LRRK1: variants seen among roughly 807,000 people sequenced by gnomAD.
LRRK1 encodes the protein leucine-rich repeat serine/threonine-protein kinase 1.
A neutral mutation model predicts 209.1 loss-of-function variants in LRRK1; 113 were observed. The ratio of observed to expected loss-of-function variants is 0.54; its 90% CI spans 0.46 to 0.63. The LOEUF (loss-of-function observed/expected upper bound fraction) is 0.63. LRRK1 is among the 30% of genes least tolerant of loss of function. LRRK1 has a pLI of 0.00. For missense variants in LRRK1, 2,284 were observed against 2,632.2 expected (o/e 0.87, Z 2.89); for synonymous variants, 1,144 against 1,099.7 (o/e 1.04, Z -0.80).
chr15:101,063,439 C>T (rs754663224), intron 31 of LRRK1, among the ~76,000 whole-genome samples: 1 of 152,206 alleles, frequency 6.6e-6, no homozygotes, highest in Admixed American at 6.5e-5. Flanking sequence ...TCTCAAGACC[C>T]GGGGCCTTGT....
chr15:100,962,823 A>ATATATACATATATATATATATATATATT lies in LRRK1; in HGVS notation c.98-10980_98-10979insATATACATATATATATATATATATATTT. Among the ~76,000 whole-genome samples the ATATATACATATATATATATATATATATT allele has an allele frequency of 1.7e-4, 2 of 11,544 alleles. 1 individual carries two copies. The highest frequency in any genetic ancestry group is 5.1e-4 in the African/African-American group (2 of 3,958). 7.6% of individuals were successfully genotyped at this position (11,544 alleles called of 152,430 possible). On this transcript the variant is annotated intron_variant, in intron 2 of 33. Coordinates refer to ENST00000388948, the MANE Select transcript of LRRK1 (RefSeq NM_024652.6). ...TATATATATATATATATATATATAT[A>ATATATACATATATATATATATATATATT]TTTTTTTTTTTTTTTTTGAGATGGA...
chr15:101,052,836 C>A, intron 24 of LRRK1, 86 bp from the exon 25 acceptor site: 1 of 1,464,966 alleles, frequency 6.8e-7, no homozygotes, highest in East Asian at 2.4e-5. Context: ...AACCATGACT[C>A]TCGGCCGTTG....
chr15:100,985,494 T>C (rs2031820135), intron 4 of LRRK1, among the ~76,000 whole-genome samples: 1 of 152,176 alleles, frequency 6.6e-6, no homozygotes, highest in Admixed American at 6.5e-5. Flanking sequence ...CACTGTGCAA[T>C]GTAACTACAC....
chr15:101,059,880 A>G (rs2036055709), intron 29 of LRRK1, among the ~76,000 whole-genome samples: 1 of 152,174 alleles, frequency 6.6e-6, no homozygotes, highest in Non-Finnish European at 1.5e-5. Flanking sequence ...CTGCCACCCT[A>G]GAAGCAAGGA....
intron 2 of LRRK1, among the ~76,000 whole-genome samples, chr15:100,971,705 T>C (rs1199291918): frequency 6.6e-6 from 1 of 152,208 alleles, no homozygotes; most frequent in Non-Finnish European, 1.5e-5. Flanking sequence ...CCTACTCTGC[T>C]ATCAAACATT....
At chr15:100,928,067 G>C (rs1470005348) in intron 2 of LRRK1, among the ~76,000 whole-genome samples, 1 of 152,206 alleles carries the variant, frequency 6.6e-6, no homozygotes, top group Non-Finnish European at 1.5e-5. Flanking sequence ...CATCGGTGCT[G>C]TTTATGTTTC....
rs1337075080 is a variant in LRRK1, at chr15:101,022,225, G to C, written c.1853-158G>C. The C allele has an allele frequency of 1.4e-6, 1 of 737,822 alleles. No individual in the cohort carries two copies. Among genetic ancestry groups the C allele is most frequent in the African/African-American group, 1.7e-5 (1 of 57,378 alleles). The allele number at this position is 737,822 out of a possible 1,614,324, so 45.7% of individuals were successfully genotyped here. On this transcript the variant is annotated intron_variant, in intron 14 of 33. Coordinates refer to ENST00000388948, the MANE Select transcript of LRRK1 (RefSeq NM_024652.6). The surrounding 1 kb of genome is among the most constrained non-coding windows in gnomAD (Gnocchi z 4.0). The stretch of plus-strand genomic sequence containing the variant: ...GCCTCTTAGAGTTCGCTTTTAGGGT[G>C]GTTAGTGTCATGCCTTCCCTCCCCC...
intron 4 of LRRK1, among the ~76,000 whole-genome samples, chr15:100,987,641 A>T (rs1326475126): frequency 6.6e-6 from 1 of 152,198 alleles, no homozygotes; most frequent in Non-Finnish European, 1.5e-5. Context: ...CAATGACACA[A>T]CATCATGAGT....
chr15:100,956,725 A>C, intron 2 of LRRK1, among the ~76,000 whole-genome samples: 1 of 152,022 alleles, frequency 6.6e-6, no homozygotes, highest in East Asian at 1.9e-4. Context: ...GGCCTCCCAA[A>C]GTGCTGGGAT....
intron 30 of LRRK1, 22 bp downstream of exon 30, chr15:101,061,310 G>A: frequency 6.4e-7 from 1 of 1,556,850 alleles, no homozygotes. Context: ...CCGCAGGCCT[G>A]CCCACCGAGG....
chr15:100,975,585 A>T (rs1252463013), intron 3 of LRRK1, among the ~76,000 whole-genome samples: 3 of 152,212 alleles, frequency 2.0e-5, no homozygotes, highest in Non-Finnish European at 4.4e-5. Flanking sequence ...AGCTGATTGG[A>T]CTTTGAGAAG....
At position 100,925,741 on chromosome 15, in the gene LRRK1, C is replaced by T. The variant is rs138671753; in HGVS notation, c.97+1012C>T. On this transcript the variant is annotated intron_variant, in intron 2 of 33. Transcript: ENST00000388948. ...ACGAAATAATGTCATAAAATCCTCA[C>T]GACAACCTGGCACATGGTACTTTTA... Among the ~76,000 whole-genome samples, 17 of 152,296 alleles carry T rather than the reference C, an allele frequency of 1.1e-4. No individual in the cohort carries two copies. The South Asian group carries it at 2.5e-3, about 22-fold the overall frequency.
chr15:101,040,319 GA>G (rs1363295505), intron 20 of LRRK1, among the ~76,000 whole-genome samples: 1 of 151,598 alleles, frequency 6.6e-6, no homozygotes, highest in Non-Finnish European at 1.5e-5. Flanking sequence ...CTATGGTGCA[GA>G]ATATATTAAT....
intron 2 of LRRK1, among the ~76,000 whole-genome samples, chr15:100,953,236 C>A (rs1280158952): frequency 6.6e-6 from 1 of 152,156 alleles, no homozygotes; most frequent in Non-Finnish European, 1.5e-5. Flanking sequence ...CCCGAACTTA[C>A]TCATCTTATA....
At chr15:101,007,222 TC>T (rs1251443127) in intron 6 of LRRK1, among the ~76,000 whole-genome samples, 1 of 152,224 alleles carries the variant, frequency 6.6e-6, no homozygotes, top group Non-Finnish European at 1.5e-5. Flanking sequence ...GGGACCTTTC[TC>T]GTAGCCTCTG....
intron 6 of LRRK1, among the ~76,000 whole-genome samples, chr15:101,001,397 G>A (rs932688217): frequency 1.3e-5 from 2 of 152,204 alleles, no homozygotes; most frequent in Admixed American, 6.5e-5. Flanking sequence ...TTCTGGGCCT[G>A]CTGCTCTGAG....
At position 101,068,821 on chromosome 15, in the gene LRRK1, G is replaced by T. The variant is rs55863220; in HGVS notation, c.6021G>T (p.Leu2007=). The T allele has an allele frequency of 5.9e-5, 95 of 1,608,818 alleles. 1 individual carries two copies. The East Asian group carries it at 2.1e-3, about 35-fold the overall frequency. ...FYQSYEELGR[L]EACTRKRR is the part of the protein sequence containing the mutation. ...AGTCCTACGAGGAGCTGGGCCGGCTGGAGGCTTGCACTCGCAAGAGAAGGT... is the reference window on the plus strand; with the variant it reads ...AGTCCTACGAGGAGCTGGGCCGGCTTGAGGCTTGCACTCGCAAGAGAAGGT... The change falls in exon 34 of 34, where the codon CTG becomes CTT. Residue 2007 remains leucine, a synonymous_variant. Coordinates refer to ENST00000388948, the MANE Select transcript of LRRK1 (RefSeq NM_024652.6).
At chr15:100,991,704 T>C (rs2032163377) in intron 6 of LRRK1, among the ~76,000 whole-genome samples, 1 of 152,206 alleles carries the variant, frequency 6.6e-6, no homozygotes, top group African/African-American at 2.4e-5. Context: ...TTATACAACT[T>C]ATTATTCCAT....
At chr15:100,944,319 C>A (rs371259183) in intron 2 of LRRK1, among the ~76,000 whole-genome samples, 1 of 152,216 alleles carries the variant, frequency 6.6e-6, no homozygotes, top group Non-Finnish European at 1.5e-5. Context: ...TGATCTAACT[C>A]AGCTATGCAC....
Sources: allele counts gnomAD v4.1 joint callset (sites outside exome capture counted in the v4.1 genomes callset), GRCh38; gene constraint gnomAD v4.1.1; non-coding constraint Gnocchi (gnomAD v3.1); transcripts MANE v1.5; gene names NCBI Gene and HGNC (gene_info 2026-07-23, HGNC 2026-07-21).